SPAG16: variants seen among roughly 807,000 people sequenced by gnomAD.
The protein encoded by SPAG16 is sperm-associated antigen 16 protein.
SPAG16 carries 86 observed loss-of-function variants against 80.4 expected under a neutral mutation model. That is an observed-to-expected ratio of 1.07 (90% CI 0.90 to 1.28). SPAG16 has a LOEUF of 1.28. SPAG16 is among the 50% of genes most tolerant of loss of function. The probability of loss-of-function intolerance (pLI) is 0.00; values close to 1 mark genes in which losing one functional copy is unlikely to be tolerated. For missense variants in SPAG16, 870 were observed against 765.3 expected, an observed-to-expected ratio of 1.14 and a Z score of -1.61; for synonymous variants, 294 against 265.9, an observed-to-expected ratio of 1.11 and a Z score of -1.03.
At chr2:213,680,463 A>G (rs930996729) in intron 10 of SPAG16, among the ~76,000 whole-genome samples, 1 of 152,040 alleles carries the variant, frequency 6.6e-6, no homozygotes, top group African/African-American at 2.4e-5. Context: ...TTTTATTACA[A>G]AGGCAAAAAC....
chr2:214,408,080 T>G (rs1333197192), intron 15 of SPAG16, among the ~76,000 whole-genome samples: 7 of 152,220 alleles, frequency 4.6e-5, no homozygotes, highest in African/African-American at 1.7e-4. Context: ...GCTGTTGAAT[T>G]AATATGAGGT....
chr2:213,639,180 A>G (rs1346429004), intron 10 of SPAG16, among the ~76,000 whole-genome samples: 1 of 152,170 alleles, frequency 6.6e-6, no homozygotes, highest in Non-Finnish European at 1.5e-5. Flanking sequence ...TTGATTGGTG[A>G]ATTCTGTCCA....
chr2:213,688,524 T>G (rs972935819), intron 10 of SPAG16, among the ~76,000 whole-genome samples: 2 of 152,228 alleles, frequency 1.3e-5, no homozygotes, highest in Non-Finnish European at 2.9e-5. Flanking sequence ...CTTTGTCATG[T>G]AATGTTATGC....
chr2:213,388,192 A>G (rs2067551535), intron 9 of SPAG16, among the ~76,000 whole-genome samples: 1 of 152,212 alleles, frequency 6.6e-6, no homozygotes, highest in Non-Finnish European at 1.5e-5. Context: ...TGGGTGGGCA[A>G]AAAGCATCCT....
intron 10 of SPAG16, among the ~76,000 whole-genome samples, chr2:213,587,353 C>T (rs1228845532): frequency 1.3e-5 from 2 of 152,126 alleles, no homozygotes; most frequent in Non-Finnish European, 2.9e-5. Flanking sequence ...CTGGGTCAGC[C>T]ATACCTGGGT....
intron 10 of SPAG16, among the ~76,000 whole-genome samples, chr2:213,782,780 A>G (rs1395083247): frequency 6.6e-6 from 1 of 152,228 alleles, no homozygotes; most frequent in Non-Finnish European, 1.5e-5. Context: ...AATTCTCACT[A>G]TGCCATACTT....
intron 8 of SPAG16, among the ~76,000 whole-genome samples, chr2:213,366,011 G>A (rs1324120570): frequency 1.3e-5 from 2 of 148,694 alleles, no homozygotes; most frequent in African/African-American, 2.4e-5. Context: ...GCGTAGTGGC[G>A]GGCGCCTGTA....
chr2:213,927,549 A>G (rs1338834826), intron 11 of SPAG16, among the ~76,000 whole-genome samples: 6 of 152,170 alleles, frequency 3.9e-5, no homozygotes, highest in Non-Finnish European at 8.8e-5. Context: ...TCAGAAATTT[A>G]TATTTGATAT....
At chr2:214,087,574 G>C (rs995575363) in intron 13 of SPAG16, among the ~76,000 whole-genome samples, 34 of 151,972 alleles carry the variant, frequency 2.2e-4, no homozygotes, top group African/African-American at 8.0e-4. Flanking sequence ...GTGGAGGTGG[G>C]AAGAAATTGA....
At chr2:213,549,098 A>G (rs931632452) in intron 10 of SPAG16, among the ~76,000 whole-genome samples, 3 of 152,020 alleles carry the variant, frequency 2.0e-5, no homozygotes, top group South Asian at 2.1e-4. Context: ...CCTGTGGTCT[A>G]TGGAACTCAA....
chr2:213,423,759 G>A (rs1025890037), intron 9 of SPAG16, among the ~76,000 whole-genome samples: 2 of 152,128 alleles, frequency 1.3e-5, no homozygotes, highest in African/African-American at 2.4e-5. Context: ...AGCCCAGGAA[G>A]TTTTATTAAT....
At chr2:213,787,209 C>A (rs543603549) in intron 10 of SPAG16, among the ~76,000 whole-genome samples, 207 of 151,964 alleles carry the variant, frequency 1.4e-3, no homozygotes, top group African/African-American at 4.8e-3. Context: ...TGCACACGTA[C>A]CCTGGAACTT....
At chr2:214,166,427 G>C (rs1000806837) in intron 15 of SPAG16, among the ~76,000 whole-genome samples, 9 of 152,126 alleles carry the variant, frequency 5.9e-5, no homozygotes, top group African/African-American at 2.2e-4. Context: ...CCGGGCTCGG[G>C]TGCACTTGCA....
chr2:213,707,716 C>T (rs1020395288), intron 10 of SPAG16, among the ~76,000 whole-genome samples: 1 of 151,964 alleles, frequency 6.6e-6, no homozygotes, highest in African/African-American at 2.4e-5. Flanking sequence ...TCTTGACTCT[C>T]ACTCAGTAAG....
intron 15 of SPAG16, among the ~76,000 whole-genome samples, chr2:214,404,631 AAC>A (rs1457431790): frequency 3.3e-5 from 5 of 152,196 alleles, no homozygotes; most frequent in Admixed American, 2.6e-4. Flanking sequence ...TTGTGGACAT[AAC>A]AGTTGGAAAT....
At chr2:213,743,804 C>G (rs2067689455) in intron 10 of SPAG16, among the ~76,000 whole-genome samples, 1 of 152,100 alleles carries the variant, frequency 6.6e-6, no homozygotes, top group Non-Finnish European at 1.5e-5. Context: ...AAATTCTCAG[C>G]CATAGCATCT....
At chr2:213,286,396 C>A (rs2062058185) in intron 1 of SPAG16, among the ~76,000 whole-genome samples, 1 of 152,148 alleles carries the variant, frequency 6.6e-6, no homozygotes, top group African/African-American at 2.4e-5. Context: ...CATTTCAACT[C>A]TCAGTTGAAA....
chr2:213,639,164 G>A (rs2062489885), intron 10 of SPAG16, among the ~76,000 whole-genome samples: 1 of 152,088 alleles, frequency 6.6e-6, no homozygotes, highest in African/African-American at 2.4e-5. Context: ...TGAAGACAGA[G>A]GATACTTGAT....
chr2:213,810,547 G>C (rs927973268), intron 10 of SPAG16, among the ~76,000 whole-genome samples: 3 of 152,116 alleles, frequency 2.0e-5, no homozygotes, highest in Non-Finnish European at 4.4e-5. Context: ...TGTGAGGACA[G>C]GTGTCACCTC....
Sources: allele counts gnomAD v4.1 joint callset (sites outside exome capture counted in the v4.1 genomes callset), GRCh38; gene constraint gnomAD v4.1.1; transcripts MANE v1.5; gene names NCBI Gene and HGNC (gene_info 2026-07-23, HGNC 2026-07-21).